THADA: variants seen among roughly 807,000 people sequenced by gnomAD.
The protein encoded by THADA is THADA armadillo repeat containing, also known as tRNA (32-2'-O)-methyltransferase regulator THADA.
A neutral mutation model predicts 219.8 loss-of-function variants in THADA; 213 were observed. That is an observed-to-expected ratio of 0.97 (90% confidence interval 0.87 to 1.09). THADA has a LOEUF of 1.09. Among genes scored for constraint, THADA ranks in the 50% least tolerant of loss-of-function variants. The pLI is 0.00. For synonymous variants in THADA, 1,018 were observed against 828.9 expected (o/e 1.23, Z -3.92); for missense variants, 2,956 against 2,311.3 (o/e 1.28, Z -5.72).
chr2:43,501,968 CTG>C (rs767611070), intron 24 of THADA, among the ~76,000 whole-genome samples: 1 of 151,312 alleles, frequency 6.6e-6, no homozygotes, highest in Non-Finnish European at 1.5e-5. Context: ...AAAAATAAAA[CTG>C]TGGTTTTGCT....
rs776347080 is a variant in THADA at position 43,574,473 on chromosome 2, A to G, written c.1592T>C (p.Leu531Pro). Reference protein sequence around the residue: ...QWHETWVSPLLFILCEGNLDQ... With the variant: ...QWHETWVSPLPFILCEGNLDQ... ...CAAGTTTCCTTCACACAATATAAAA[A>G]GGAGAGGAGAAACCCAAGTCTCATG... Residue 531 changes from leucine (L) to proline (P), a missense_variant, in exon 11 of 38, where the codon CTT becomes CCT. Physicochemically the swap from Leu to Pro is moderately conservative, Grantham distance 98. Coordinates refer to ENST00000405975, the MANE Select transcript of THADA (RefSeq NM_022065.5). 7 of 1,613,734 alleles carry G rather than the reference A, an allele frequency of 4.3e-6. No homozygotes were observed. The highest frequency in any genetic ancestry group is 5.9e-6 in the Non-Finnish European group (7 of 1,179,814).
chr2:43,269,733 G>T (rs1312382774), intron 36 of THADA, among the ~76,000 whole-genome samples: 2 of 152,182 alleles, frequency 1.3e-5, no homozygotes, highest in Non-Finnish European at 2.9e-5. Context: ...TCCTTCAAAA[G>T]CATTTCCCCT....
chr2:43,443,073 A>G (rs949360038), intron 26 of THADA, among the ~76,000 whole-genome samples: 1 of 152,198 alleles, frequency 6.6e-6, no homozygotes, highest in Non-Finnish European at 1.5e-5. Context: ...CATGTCATAC[A>G]TGAAACTTCC....
chr2:43,533,041 A>G (rs1291479189), intron 21 of THADA, among the ~76,000 whole-genome samples: 1 of 152,228 alleles, frequency 6.6e-6, no homozygotes, highest in East Asian at 1.9e-4. Flanking sequence ...AAAAATTTAC[A>G]AGAAAAAAAC....
chr2:43,333,834 G>A (rs949942047), intron 30 of THADA, among the ~76,000 whole-genome samples: 1 of 152,214 alleles, frequency 6.6e-6, no homozygotes, highest in African/African-American at 2.4e-5. Flanking sequence ...GCAAAAGAAG[G>A]ATCTCTTTCT....
intron 25 of THADA, among the ~76,000 whole-genome samples, chr2:43,487,237 G>A (rs992442493): frequency 6.6e-6 from 1 of 151,912 alleles, no homozygotes; most frequent in Non-Finnish European, 1.5e-5. Flanking sequence ...AAGATGACTT[G>A]GTAAAGATAT....
chr2:43,544,998 C>T (rs1254977919), intron 20 of THADA, among the ~76,000 whole-genome samples: 4 of 152,216 alleles, frequency 2.6e-5, no homozygotes, highest in African/African-American at 4.8e-5. Flanking sequence ...TTCAGTATGA[C>T]ATTCGCTGTG....
At chr2:43,505,510 C>G in intron 24 of THADA, 112 bp downstream of exon 24, 1 of 693,550 alleles carries the variant, frequency 1.4e-6, no homozygotes, top group South Asian at 2.2e-5. Context: ...GCTGAGATCG[C>G]GCCACTGTAC....
chr2:43,236,871 C>T (rs1668085560), intron 36 of THADA, among the ~76,000 whole-genome samples: 1 of 147,160 alleles, frequency 6.8e-6, no homozygotes, highest in Non-Finnish European at 1.5e-5. Context: ...ACCATCCTGG[C>T]TAACATAGTG....
At chr2:43,271,431 C>A (rs111269110) in intron 36 of THADA, among the ~76,000 whole-genome samples, 2 of 152,152 alleles carry the variant, frequency 1.3e-5, no homozygotes, top group Non-Finnish European at 2.9e-5. Context: ...ACAGCTCCCC[C>A]ACCAGGTAGA....
At chr2:43,354,053 G>A (rs941655161) in intron 29 of THADA, among the ~76,000 whole-genome samples, 1 of 151,816 alleles carries the variant, frequency 6.6e-6, no homozygotes, top group African/African-American at 2.4e-5. Context: ...TCCTGACCTC[G>A]TGATCCGCCC....
At chr2:43,434,509 C>T (rs1261597297) in intron 26 of THADA, among the ~76,000 whole-genome samples, 1 of 152,150 alleles carries the variant, frequency 6.6e-6, no homozygotes, top group Non-Finnish European at 1.5e-5. Flanking sequence ...CACGCAGGCA[C>T]ACAAGCGGCT....
chr2:43,381,212 C>A (rs1436853166), intron 29 of THADA, among the ~76,000 whole-genome samples: 1 of 151,334 alleles, frequency 6.6e-6, no homozygotes, highest in Non-Finnish European at 1.5e-5. Flanking sequence ...AAAACTGAAG[C>A]TGAAACAACT....
intron 28 of THADA, among the ~76,000 whole-genome samples, chr2:43,401,803 T>C (rs1674877981): frequency 6.6e-6 from 1 of 152,170 alleles, no homozygotes; most frequent in South Asian, 2.1e-4. Flanking sequence ...CAGACTGTGA[T>C]CCAGAGCTCT....
At chr2:43,466,935 C>A (rs560076108) in intron 26 of THADA, among the ~76,000 whole-genome samples, 1 of 151,170 alleles carries the variant, frequency 6.6e-6, no homozygotes, top group Non-Finnish European at 1.5e-5. Context: ...GTAATCCCAG[C>A]ACTTTGGGAG....
chr2:43,266,405 C>T (rs1323629643), intron 36 of THADA, among the ~76,000 whole-genome samples: 1 of 152,212 alleles, frequency 6.6e-6, no homozygotes, highest in Non-Finnish European at 1.5e-5. Context: ...TCCTGGCTAA[C>T]ACGGTGAAAC....
At chr2:43,594,090 A>G (rs1701885258) in intron 1 of THADA, among the ~76,000 whole-genome samples, 1 of 152,080 alleles carries the variant, frequency 6.6e-6, no homozygotes. Flanking sequence ...ATTCAAAGAG[A>G]AGATGACTGA....
chr2:43,290,830 T>C (rs17030645), intron 34 of THADA, among the ~76,000 whole-genome samples: 10,364 of 151,920 alleles, frequency 0.068, 570 homozygotes, highest in South Asian at 0.17. Flanking sequence ...CTAAGTAGCA[T>C]GTATTTGTCT....
chr2:43,470,193 G>C (rs1171060451), intron 26 of THADA, among the ~76,000 whole-genome samples: 1 of 144,190 alleles, frequency 6.9e-6, no homozygotes, highest in Non-Finnish European at 1.5e-5. Flanking sequence ...GGGTGACACG[G>C]TGAGACCTTG....
Sources: allele counts gnomAD v4.1 joint callset (sites outside exome capture counted in the v4.1 genomes callset), GRCh38; gene constraint gnomAD v4.1.1; transcripts MANE v1.5; gene names NCBI Gene and HGNC (gene_info 2026-07-23, HGNC 2026-07-21).